The following CNTNAP2 variants were observed in gnomAD, a reference collection of about 807,000 sequenced individuals.
CNTNAP2 encodes the protein contactin associated protein 2.
CNTNAP2 carries 98 observed loss-of-function variants against 155.2 expected under a neutral mutation model. That is an observed-to-expected ratio of 0.63 (90% CI 0.54 to 0.75). The LOEUF (loss-of-function observed/expected upper bound fraction) is 0.75, where lower values mean the gene tolerates loss of function less well. Among genes scored for constraint, CNTNAP2 ranks in the 30% least tolerant of loss-of-function variants. The pLI is 0.00. For synonymous variants in CNTNAP2, 651 were observed against 631.2 expected (o/e 1.03, Z -0.47); for missense variants, 1,727 against 1,688.1 (o/e 1.02, Z -0.40).
At chr7:146,233,587 G>T (rs1317598789) in intron 1 of CNTNAP2, among the ~76,000 whole-genome samples, 1 of 151,954 alleles carries the variant, frequency 6.6e-6, no homozygotes, top group Admixed American at 6.6e-5. Context: ...TTAGCATTAG[G>T]TATATCTCCT....
chr7:147,392,590 G>A (rs919169236), intron 9 of CNTNAP2, among the ~76,000 whole-genome samples: 2 of 151,976 alleles, frequency 1.3e-5, no homozygotes, highest in South Asian at 2.1e-4. Flanking sequence ...TCCCACTTAT[G>A]AGTGAGAACA....
chr7:148,289,856 A>G (rs1041763143), intron 21 of CNTNAP2, among the ~76,000 whole-genome samples: 1 of 152,248 alleles, frequency 6.6e-6, no homozygotes, highest in African/African-American at 2.4e-5. Context: ...ACATGATGTC[A>G]TCAATAGAAA....
rs553738008 is a variant in CNTNAP2 at position 147,073,436 on chromosome 7, A to G, written c.550+29382A>G. Among the ~76,000 whole-genome samples the G allele has an allele frequency of 2.0e-5, 3 of 152,234 alleles. No homozygotes were observed. The South Asian group carries it at 6.2e-4, about 32-fold the overall frequency. ...ACGGCATCTACAAGGTGTTGCGTGG[A>G]TAACTAAATAAAGGAGTCAAGATCT... On this transcript the variant is annotated intron_variant, in intron 4 of 23. Transcript: ENST00000361727.
chr7:147,218,038 T>G (rs1803314166), intron 8 of CNTNAP2, among the ~76,000 whole-genome samples: 1 of 152,016 alleles, frequency 6.6e-6, no homozygotes, highest in East Asian at 1.9e-4. Context: ...TTCTTTTTAG[T>G]TAGCCTAGCT....
intron 9 of CNTNAP2, among the ~76,000 whole-genome samples, chr7:147,322,299 A>AG (rs1795367428): frequency 6.6e-6 from 1 of 152,198 alleles, no homozygotes; most frequent in Admixed American, 6.5e-5. Flanking sequence ...AGTCTATGCA[A>AG]GGGGGGAAAG....
At chr7:147,791,806 G>C (rs1797824312) in intron 13 of CNTNAP2, among the ~76,000 whole-genome samples, 1 of 151,530 alleles carries the variant, frequency 6.6e-6, no homozygotes. Flanking sequence ...GTAACTTCAG[G>C]AACATGCGCC....
intron 12 of CNTNAP2, among the ~76,000 whole-genome samples, chr7:147,632,066 T>C (rs1795095625): frequency 1.3e-5 from 2 of 152,088 alleles, no homozygotes; most frequent in Non-Finnish European, 2.9e-5. Context: ...GAGAAAATCT[T>C]TGCACACTAT....
intron 13 of CNTNAP2, among the ~76,000 whole-genome samples, chr7:147,745,887 C>G (rs1797033844): frequency 1.3e-5 from 2 of 152,254 alleles, no homozygotes; most frequent in South Asian, 4.1e-4. Flanking sequence ...TTTATAGTTT[C>G]CAAGTACAGG....
intron 8 of CNTNAP2, among the ~76,000 whole-genome samples, chr7:147,243,187 G>C (rs1803981550): frequency 6.6e-6 from 1 of 151,250 alleles, no homozygotes; most frequent in Non-Finnish European, 1.5e-5. Flanking sequence ...TGGTAGAGAT[G>C]GGGTTTCACC....
At position 147,416,816 on chromosome 7, in the gene CNTNAP2, G is replaced by A. The variant is rs114166733; in HGVS notation, c.1670+21036G>A. On this transcript the variant is annotated intron_variant, in intron 10 of 23. Coordinates refer to ENST00000361727, the MANE Select transcript of CNTNAP2 (RefSeq NM_014141.6). The stretch of plus-strand genomic sequence containing the variant: ...TGCATAAGATTTAATTTTAGAGGCC[G>A]TGTGCAGTGGCTCAGTAATCCTAGC... Among the ~76,000 whole-genome samples, 1,195 of 152,178 alleles carry A rather than the reference G, an allele frequency of 7.9e-3. 14 individuals are homozygous for A. Among genetic ancestry groups the A allele is most frequent in the African/African-American group, 0.027 (1,121 of 41,532 alleles).
intron 3 of CNTNAP2, among the ~76,000 whole-genome samples, chr7:146,930,559 T>C (rs1281669085): frequency 6.6e-6 from 1 of 152,232 alleles, no homozygotes; most frequent in South Asian, 2.1e-4. Context: ...GCTAACATAA[T>C]GACAGGATGA....
intron 8 of CNTNAP2, among the ~76,000 whole-genome samples, chr7:147,206,604 T>C (rs1156594608): frequency 6.6e-6 from 1 of 152,140 alleles, no homozygotes; most frequent in Non-Finnish European, 1.5e-5. Context: ...TTTAAACACC[T>C]ACATTACACA....
intron 4 of CNTNAP2, among the ~76,000 whole-genome samples, chr7:147,050,565 G>A (rs1326228589): frequency 1.3e-5 from 2 of 152,148 alleles, no homozygotes; most frequent in Non-Finnish European, 2.9e-5. Flanking sequence ...ATACAAATAA[G>A]TAAAAGACAG....
chr7:146,692,315 A>G (rs952713962), intron 1 of CNTNAP2, among the ~76,000 whole-genome samples: 30 of 152,148 alleles, frequency 2.0e-4, no homozygotes, highest in African/African-American at 6.8e-4. Flanking sequence ...CATTTTCCCT[A>G]CATAAAAACC....
rs149819871 is a variant in CNTNAP2 at position 148,233,001 on chromosome 7, G to A, written c.3381+3222G>A. Reference sequence around the variant, plus strand: ...ACTGTAGTAGTTATCAGACACCAGCGTGAACCAGAACCCATGGCATACCTC... The same window carrying A: ...ACTGTAGTAGTTATCAGACACCAGCATGAACCAGAACCCATGGCATACCTC... On this transcript the variant is annotated intron_variant, in intron 20 of 23. Coordinates refer to ENST00000361727, the MANE Select transcript of CNTNAP2 (RefSeq NM_014141.6). Among the ~76,000 whole-genome samples the A allele has an allele frequency of 1.2e-3, 187 of 152,316 alleles. 2 individuals carry two copies. Among genetic ancestry groups the A allele is most frequent in the Admixed American group, 0.012 (184 of 15,300 alleles).
chr7:148,323,294 CTTTTTTTTTTTTT>C (rs60109355), intron 21 of CNTNAP2, among the ~76,000 whole-genome samples: 1 of 49,466 alleles, frequency 2.0e-5, no homozygotes, highest in Non-Finnish European at 3.4e-5. Context: ...TTATGGATTT[CTTTTTTTTTTTTT>C]TTTTTTTTTT....
chr7:147,502,717 A>ATG lies in CNTNAP2; in HGVS notation c.1777+16700_1777+16701dup, dbSNP rs60449695. Among the ~76,000 whole-genome samples, 665 of 147,834 alleles carry ATG rather than the reference A, an allele frequency of 4.5e-3. 2 individuals carry two copies. The highest frequency in any genetic ancestry group is 0.012 in the South Asian group (54 of 4,678). On this transcript the variant is annotated intron_variant, in intron 11 of 23. Coordinates refer to ENST00000361727, the MANE Select transcript of CNTNAP2 (RefSeq NM_014141.6). ...ACCCGATTGTGGTAATCATTTCACA[A>ATG]TGTGTGTGTGTGTGTGTGTGTGTGT...
rs1584949918 is a variant in CNTNAP2, at chr7:147,441,487, G to A, written c.1671-44448G>A. On this transcript the variant is annotated intron_variant, in intron 10 of 23. Coordinates refer to ENST00000361727, the MANE Select transcript of CNTNAP2 (RefSeq NM_014141.6). ...TTCCTTGTTTAGTTCATTTGGTGAG[G>A]TCATCTTTTTCTGGATTGTCTTGAT... 2.0e-5 allele frequency among the ~76,000 whole-genome samples: 3 copies of A among 152,014 alleles called. 1 individual carries two copies. The highest frequency in any genetic ancestry group is 4.4e-5 in the Non-Finnish European group (3 of 68,012).
At chr7:147,642,031 T>TGTGTG in intron 13 of CNTNAP2, among the ~76,000 whole-genome samples, 1 of 151,850 alleles carries the variant, frequency 6.6e-6, no homozygotes, top group African/African-American at 2.4e-5. Context: ...TGTGTGTGTG[T>TGTGTG]TTTAACTGGA....
Sources: allele counts gnomAD v4.1 joint callset (sites outside exome capture counted in the v4.1 genomes callset), GRCh38; gene constraint gnomAD v4.1.1; transcripts MANE v1.5; gene names NCBI Gene and HGNC (gene_info 2026-07-23, HGNC 2026-07-21).